Variants in CFAP52 observed in about 807,000 individuals in gnomAD.
CFAP52 encodes the protein cilia and flagella associated protein 52, also known as cilia- and flagella-associated protein 52.
CFAP52 carries 57 observed loss-of-function variants against 70.5 expected under a neutral mutation model. The ratio of observed to expected loss-of-function variants is 0.81; its 90% CI spans 0.65 to 1.01. The LOEUF is 1.01. Among genes scored for constraint, CFAP52 ranks in the 50% least tolerant of loss-of-function variants. The probability of loss-of-function intolerance (pLI) is 0.00; values close to 1 mark genes in which losing one functional copy is unlikely to be tolerated. For synonymous variants in CFAP52, 267 were observed against 292.5 expected (o/e 0.91, Z 0.89); for missense variants, 785 against 788.5 (o/e 1.00, Z 0.05).
intron 8 of CFAP52, among the ~76,000 whole-genome samples, chr17:9,622,973 A>AT (rs1360846685): frequency 6.6e-6 from 1 of 152,170 alleles, no homozygotes; most frequent in Non-Finnish European, 1.5e-5. Context: ...CTTTTAATGT[A>AT]GTTAGTGTCA....
chr17:9,602,802 G>A (rs1032388169), intron 6 of CFAP52, among the ~76,000 whole-genome samples: 8 of 152,080 alleles, frequency 5.3e-5, no homozygotes, highest in Admixed American at 2.0e-4. Context: ...TTTAATGATC[G>A]CCATTCTAAC....
chr17:9,629,614 C>T (rs1467957055), intron 9 of CFAP52, among the ~76,000 whole-genome samples: 1 of 147,000 alleles, frequency 6.8e-6, no homozygotes, highest in East Asian at 2.0e-4. Flanking sequence ...ATGGCGCGAT[C>T]TAGGCTCACT....
rs975789991 is a variant in CFAP52 at position 9,594,101 on chromosome 17, T to C, written c.408-92T>C. On this transcript the variant is annotated intron_variant, in intron 3 of 13. Transcript: ENST00000352665. ...GTTTTTAAGTAACCTGTTGTGTTTTTTTCTTTCTAGAACCACTAAGATGGT... is the reference window on the plus strand; with the variant it reads ...GTTTTTAAGTAACCTGTTGTGTTTTCTTCTTTCTAGAACCACTAAGATGGT... 2.7e-6 allele frequency: 4 copies of C among 1,459,582 alleles called. No individual in the cohort carries two copies. In the African/African-American group the frequency reaches 5.7e-5, roughly 21 times the overall value. The allele number at this position is 1,459,582 out of a possible 1,614,324, so 90.4% of individuals were successfully genotyped here.
rs570542122 is a variant in CFAP52, at chr17:9,635,589, A to G, written c.1472+33A>G. On this transcript the variant is annotated intron_variant, in intron 11 of 13. Transcript: ENST00000352665. ...CCTGTGATGGGGAGGATGCAGTGAT[A>G]CCTGCAAAATCCAATCATGCCAACA... 5 of 1,613,414 alleles carry G rather than the reference A, an allele frequency of 3.1e-6. No homozygotes were observed. The African/African-American group carries it at 6.7e-5, about 22-fold the overall frequency.
chr17:9,612,431 T>G lies in CFAP52; in HGVS notation c.977T>G (p.Leu326Arg). ...AGCTTCACGGATTTCAAAGAGACGC[T>G]CATAGCGACTTGTCACTTTGATGCT... ...RVSFTDFKET[L>R]IATCHFDAVE... The change falls in exon 8 of 14, where the codon CTC becomes CGC. Residue 326 changes from leucine to arginine, a missense_variant. Physicochemically the swap from Leu to Arg is moderately radical, Grantham distance 102. Transcript: ENST00000352665. 6.2e-7 allele frequency: 1 copy of G among 1,614,212 alleles called. No individual in the cohort carries two copies. Among genetic ancestry groups the G allele is most frequent in the Non-Finnish European group, 8.5e-7 (1 of 1,180,034 alleles).
chr17:9,627,829 T>C (rs916151554), intron 8 of CFAP52, among the ~76,000 whole-genome samples: 13 of 152,124 alleles, frequency 8.5e-5, no homozygotes, highest in African/African-American at 2.9e-4. Context: ...CAAGAGATCT[T>C]CCTTCCTCAG....
chr17:9,600,212 C>G, intron 6 of CFAP52, 29 bp downstream of exon 6: 3 of 1,568,252 alleles, frequency 1.9e-6, no homozygotes, highest in Non-Finnish European at 2.6e-6. Context: ...CACTGCCCTG[C>G]CATTTTTCTC....
chr17:9,633,150 T>C lies in CFAP52; in HGVS notation c.1320+117T>C, dbSNP rs116522211. On this transcript the variant is annotated intron_variant, in intron 10 of 13. Coordinates refer to ENST00000352665, the MANE Select transcript of CFAP52 (RefSeq NM_145054.5). ...TTGCTAGTATTCAAGCAGGACCAAA[T>C]TGACATTTTGATGAGATCTGAAAAT... 1,846 of 1,231,014 alleles carry C rather than the reference T, an allele frequency of 1.5e-3. 24 individuals carry two copies. The African/African-American group carries it at 0.024, about 16-fold the overall frequency. 76.3% of individuals were successfully genotyped at this position (1,231,014 alleles called of 1,614,324 possible). A position where few individuals can be genotyped will look rare whatever the true frequency, so the allele number is the denominator to read the frequency against.
chr17:9,584,210 G>C, intron 1 of CFAP52: 1 of 1,246,528 alleles, frequency 8.0e-7, no homozygotes, highest in Non-Finnish European at 1.0e-6. Flanking sequence ...TGTTTTTAGT[G>C]AATAAACTAC....
chr17:9,596,051 A>ATGTG (rs10699113), intron 4 of CFAP52, among the ~76,000 whole-genome samples: 7,192 of 76,704 alleles, frequency 0.094, 418 homozygotes, highest in Non-Finnish European at 0.12. Context: ...GTAGATATAT[A>ATGTG]TGTGTGTGTA....
At chr17:9,585,473 C>T (rs1032460388) in intron 1 of CFAP52, among the ~76,000 whole-genome samples, 30 of 152,182 alleles carry the variant, frequency 2.0e-4, no homozygotes, top group Admixed American at 1.3e-3. Context: ...TCAAGACCAG[C>T]CTGACCAACA....
chr17:9,608,851 G>T (rs1441271481), intron 7 of CFAP52, among the ~76,000 whole-genome samples: 1 of 152,136 alleles, frequency 6.6e-6, no homozygotes, highest in South Asian at 2.1e-4. Context: ...TATGGTCTTT[G>T]TCCTCCCAGA....
intron 6 of CFAP52, among the ~76,000 whole-genome samples, chr17:9,604,771 A>AAAT (rs973982642): frequency 1.3e-5 from 2 of 149,718 alleles, no homozygotes; most frequent in African/African-American, 4.9e-5. Context: ...ATAAATAAAT[A>AAAT]AATAAATAAA....
chr17:9,642,199 G>A (rs1010797185), intron 13 of CFAP52, among the ~76,000 whole-genome samples: 5 of 152,074 alleles, frequency 3.3e-5, no homozygotes, highest in African/African-American at 1.2e-4. Context: ...CTTTATTATT[G>A]CATGATGCGA....
Position 9,631,072 on chromosome 17 carries a change from A to G in CFAP52, c.1175-1816A>G, listed in dbSNP as rs1409589618. 3.3e-3 allele frequency among the ~76,000 whole-genome samples: 399 copies of G among 119,832 alleles called. 6 individuals carry two copies. The highest frequency in any genetic ancestry group is 4.3e-3 in the East Asian group (14 of 3,258). 78.6% of individuals were successfully genotyped at this position (119,832 alleles called of 152,430 possible). A position where few individuals can be genotyped will look rare whatever the true frequency, so the allele number is the denominator to read the frequency against. On this transcript the variant is annotated intron_variant, in intron 9 of 13. Transcript: ENST00000352665. ...AGAGAGAGAAAGAAAGAAAGAAAGA[A>G]AGAAAGAAAGAGAAAGAAAGAAAGA...
At chr17:9,629,716 G>A (rs541823114) in intron 9 of CFAP52, among the ~76,000 whole-genome samples, 17 of 146,968 alleles carry the variant, frequency 1.2e-4, no homozygotes, top group Non-Finnish European at 2.2e-4. Flanking sequence ...AGCCTCCCAA[G>A]TATCTGGGAC....
Position 9,635,413 on chromosome 17 carries a change from A to G in CFAP52, c.1329A>G (p.Val443=). 6.2e-7 allele frequency: 1 copy of G among 1,614,076 alleles called. No individual in the cohort carries two copies. Among genetic ancestry groups the G allele is most frequent in the Non-Finnish European group, 8.5e-7 (1 of 1,180,036 alleles). Residue 443 remains valine (V), a synonymous_variant, in exon 11 of 14, where the codon GTA becomes GTG. Coordinates refer to ENST00000352665, the MANE Select transcript of CFAP52 (RefSeq NM_145054.5). ...ISGGGEGEVR[V]WQIGCQTQKL... The stretch of plus-strand genomic sequence containing the variant: ...TGCTCTGTGGCTTTCAGGTGAGGGT[A>G]TGGCAGATAGGCTGTCAGACCCAGA...
At chr17:9,586,974 C>T (rs187863628) in intron 3 of CFAP52, 140 bp downstream of exon 3, 1 of 1,065,728 alleles carries the variant, frequency 9.4e-7, no homozygotes, top group East Asian at 2.8e-5. Context: ...CAACCAGGTG[C>T]TCAGCCTAGT....
At chr17:9,602,633 T>C (rs1002167308) in intron 6 of CFAP52, among the ~76,000 whole-genome samples, 1 of 152,180 alleles carries the variant, frequency 6.6e-6, no homozygotes. Flanking sequence ...ATATACGCAG[T>C]AATGGGATTG....
Sources: allele counts gnomAD v4.1 joint callset (sites outside exome capture counted in the v4.1 genomes callset), GRCh38; gene constraint gnomAD v4.1.1; transcripts MANE v1.5; gene names NCBI Gene and HGNC (gene_info 2026-07-23, HGNC 2026-07-21).